The following SNCAIP variants were observed in gnomAD, a reference collection of about 807,000 sequenced individuals.
SNCAIP encodes synphilin-1.
A neutral mutation model predicts 86.7 loss-of-function variants in SNCAIP; 43 were observed. That is an observed-to-expected ratio of 0.50 (90% CI 0.39 to 0.64). The LOEUF is 0.64. Ranked by LOEUF, SNCAIP falls within the 30% of genes least tolerant of loss-of-function variation. The pLI, the probability that SNCAIP is intolerant of heterozygous loss-of-function variation, is 0.00. For synonymous variants in SNCAIP, 417 were observed against 427.2 expected (o/e 0.98, Z 0.29); for missense variants, 981 against 1,103.1 (o/e 0.89, Z 1.57).
At chr5:122,435,349 GT>G (rs1779200177) in intron 6 of SNCAIP, among the ~76,000 whole-genome samples, 1 of 152,176 alleles carries the variant, frequency 6.6e-6, no homozygotes, top group African/African-American at 2.4e-5. Context: ...TACTGCCTGT[GT>G]AACTTGGGCT....
intron 1 of SNCAIP, among the ~76,000 whole-genome samples, chr5:122,338,841 T>C (rs191461439): frequency 5.0e-4 from 76 of 152,294 alleles, no homozygotes; most frequent in African/African-American, 1.7e-3. Flanking sequence ...GAGTTGAGTA[T>C]GTAGAGGGAG....
chr5:122,330,289 T>C (rs900518033), intron 1 of SNCAIP, among the ~76,000 whole-genome samples: 1 of 151,528 alleles, frequency 6.6e-6, no homozygotes, highest in African/African-American at 2.4e-5. Context: ...GCCCGGCTAA[T>C]TTTTTGTATT....
At position 122,451,486 on chromosome 5, in the gene SNCAIP, A is replaced by C. The variant is rs745432492; in HGVS notation, c.2639A>C (p.Asn880Thr). 1 of 1,613,844 alleles carries C rather than the reference A, an allele frequency of 6.2e-7. No homozygotes were observed. The highest frequency in any genetic ancestry group is 8.5e-7 in the Non-Finnish European group (1 of 1,179,958). The change falls in exon 10 of 11, where the codon AAC (asparagine) becomes ACC (threonine). Residue 880 changes from asparagine to threonine, a missense_variant. Coordinates refer to ENST00000261368, the MANE Select transcript of SNCAIP (RefSeq NM_005460.4). Reference sequence around the variant, plus strand: ...AGTGGCAACCAAAACAATAATAATAACTACCAGGCAGCCAACCAGCTGAAA... The same window carrying C: ...AGTGGCAACCAAAACAATAATAATACCTACCAGGCAGCCAACCAGCTGAAA... The part of the protein sequence containing the change: ...TLSGNQNNNN[N>T]YQAANQLKTS...
Position 122,447,190 on chromosome 5 carries a change from G to C in SNCAIP, c.1592+2458G>C, listed in dbSNP as rs151231234. Among the ~76,000 whole-genome samples, 5 of 152,196 alleles carry C rather than the reference G, an allele frequency of 3.3e-5. No individual in the cohort carries two copies. In the East Asian group the frequency reaches 9.6e-4, roughly 29 times the overall value. ...GCCAGCAAACCATCAGAAGCTAGGA[G>C]AGAAGCAAGGAACAGCTTCTCCTCA... On this transcript the variant is annotated intron_variant, in intron 8 of 10. Coordinates refer to ENST00000261368, the MANE Select transcript of SNCAIP (RefSeq NM_005460.4).
chr5:122,334,275 GAA>G (rs35820258), intron 1 of SNCAIP, among the ~76,000 whole-genome samples: 39,682 of 141,952 alleles, frequency 0.28, 6,110 homozygotes, highest in African/African-American at 0.46. Flanking sequence ...TACAGATAAA[GAA>G]AAAAAAAAAA....
rs374522874 is a variant in SNCAIP, at chr5:122,423,425, A to G, written c.688A>G (p.Lys230Glu). The stretch of plus-strand genomic sequence containing the variant: ...ATCAGCTGTCATCCACGACCAGCAC[A>G]AGCTGTCCACTGAAGAAACCGAGAT... ...KASAVIHDQH[K>E]LSTEETEISP... Residue 230 changes from lysine to glutamate, a missense_variant, in exon 4 of 11, where the codon AAG becomes GAG. By Grantham distance (56) the Lys-to-Glu change is moderately conservative. Transcript: ENST00000261368. 1.8e-4 allele frequency: 290 copies of G among 1,610,704 alleles called. No individual in the cohort carries two copies. The highest frequency in any genetic ancestry group is 2.4e-4 in the Non-Finnish European group (283 of 1,178,748).
At chr5:122,320,118 TG>T (rs1752613499) in intron 1 of SNCAIP, among the ~76,000 whole-genome samples, 3 of 152,342 alleles carry the variant, frequency 2.0e-5, no homozygotes, top group South Asian at 4.1e-4. Flanking sequence ...ATGTGTCCAG[TG>T]CAAGAGCAGT....
At chr5:122,315,551 A>G (rs1163667378) in intron 1 of SNCAIP, among the ~76,000 whole-genome samples, 4 of 152,206 alleles carry the variant, frequency 2.6e-5, no homozygotes, top group Non-Finnish European at 5.9e-5. Context: ...TTTGTGATCT[A>G]CTACATTTTT....
intron 1 of SNCAIP, among the ~76,000 whole-genome samples, chr5:122,362,978 G>A (rs2152771326): frequency 6.6e-6 from 1 of 151,584 alleles, no homozygotes; most frequent in East Asian, 1.9e-4. Flanking sequence ...TTCCAGGTCA[G>A]GTATCATAAA....
chr5:122,382,697 A>G (rs1273438367), intron 1 of SNCAIP, among the ~76,000 whole-genome samples: 1 of 151,228 alleles, frequency 6.6e-6, no homozygotes, highest in Non-Finnish European at 1.5e-5. Flanking sequence ...GTCTTTGATG[A>G]TGGTGATGTA....
chr5:122,459,416 G>C (rs1270409206), intron 10 of SNCAIP, among the ~76,000 whole-genome samples: 2 of 152,116 alleles, frequency 1.3e-5, no homozygotes, highest in African/African-American at 4.8e-5. Context: ...TGGTCACTCA[G>C]AATGTGATTT....
intron 6 of SNCAIP, 132 bp from the exon 7 acceptor site, chr5:122,440,497 G>A: frequency 1.2e-6 from 1 of 833,482 alleles, no homozygotes. Context: ...ACATCTGAAT[G>A]AGAATTTTCT....
Position 122,449,887 on chromosome 5 carries a change from A to G in SNCAIP, c.1635A>G (p.Gln545=), listed in dbSNP as rs1467802428. The part of the protein sequence containing the change: ...ERVTLQNQLQ[Q]FLEAQKSEGK... ...TCACGCTGCAGAACCAACTCCAACA[A>G]TTTCTAGAAGCCCAGAAATCAGAGG... The change falls in exon 9 of 11, where the codon CAA becomes CAG. Residue 545 remains glutamine (Q), a synonymous_variant. Transcript: ENST00000261368. 6.2e-7 allele frequency: 1 copy of G among 1,614,032 alleles called. No homozygotes were observed.
chr5:122,406,804 CCTTTCTTTA>C lies in SNCAIP; in HGVS notation c.130+2940_130+2948del, dbSNP rs145424071. On this transcript the variant is annotated intron_variant, in intron 3 of 10. Transcript: ENST00000261368. Reference sequence around the variant, plus strand: ...GCAGAATCATGAGCCAATTAAACCTCCTTTCTTTATAAATTACCCAATCTCGGGTATTTC... The same window carrying C: ...GCAGAATCATGAGCCAATTAAACCTCTAAATTACCCAATCTCGGGTATTTC... Among the ~76,000 whole-genome samples the C allele has an allele frequency of 7.2e-3, 1,094 of 152,256 alleles. 27 individuals carry two copies. The highest frequency in any genetic ancestry group is 0.031 in the Admixed American group (467 of 15,282).
intron 2 of SNCAIP, chr5:122,401,117 T>G (rs1439752240): frequency 1.3e-6 from 2 of 1,549,604 alleles, no homozygotes; most frequent in Non-Finnish European, 8.7e-7. Context: ...GCCATTGTCC[T>G]GAGAATGAGG....
At chr5:122,395,136 G>A (rs1770326234) in intron 2 of SNCAIP, among the ~76,000 whole-genome samples, 1 of 152,156 alleles carries the variant, frequency 6.6e-6, no homozygotes, top group Admixed American at 6.6e-5. Flanking sequence ...TTATAAATAA[G>A]TAAAATGAAA....
chr5:122,352,900 T>G, intron 1 of SNCAIP, among the ~76,000 whole-genome samples: 1 of 152,150 alleles, frequency 6.6e-6, no homozygotes, highest in East Asian at 1.9e-4. Context: ...TCTGGTGAAC[T>G]TTACCTAGAA....
chr5:122,324,361 T>C (rs1463371239), intron 1 of SNCAIP, among the ~76,000 whole-genome samples: 1 of 152,196 alleles, frequency 6.6e-6, no homozygotes, highest in Non-Finnish European at 1.5e-5. Context: ...GCTCATGACC[T>C]CTCAGTAATT....
chr5:122,323,540 A>G (rs559755036), intron 1 of SNCAIP, among the ~76,000 whole-genome samples: 47 of 152,336 alleles, frequency 3.1e-4, no homozygotes, highest in South Asian at 8.3e-4. Flanking sequence ...TTTGTTGCCA[A>G]TGGAAGCACA....
Sources: gnomAD v4.1 joint callset for allele counts (sites outside exome capture counted in the v4.1 genomes callset) on GRCh38, gnomAD v4.1.1 for gene constraint, MANE v1.5 for transcripts, NCBI Gene and HGNC (gene_info 2026-07-23, HGNC 2026-07-21) for gene names.